Variants in ACBD3 observed in about 807,000 individuals in gnomAD.
ACBD3 encodes the protein Golgi resident protein GCP60.
Under a neutral mutation model 66.9 loss-of-function variants are expected in ACBD3, and 30 were observed. The ratio of observed to expected loss-of-function variants is 0.45; its 90% CI spans 0.34 to 0.61. ACBD3 has a LOEUF of 0.61. ACBD3 is among the 20% of genes least tolerant of loss of function. The probability of loss-of-function intolerance (pLI) is 0.02; values close to 1 mark genes in which losing one functional copy is unlikely to be tolerated. For missense variants in ACBD3, 544 were observed against 664.5 expected (o/e 0.82, Z 1.99); for synonymous variants, 278 against 259.8 (o/e 1.07, Z -0.68).
intron 1 of ACBD3, among the ~76,000 whole-genome samples, chr1:226,182,758 C>T (rs533390481): frequency 9.2e-5 from 14 of 152,210 alleles, no homozygotes; most frequent in South Asian, 2.1e-4. Flanking sequence ...GGCTCTTGGC[C>T]TTCCCCCCTC....
At chr1:226,166,876 A>G (rs1051080399) in intron 1 of ACBD3, among the ~76,000 whole-genome samples, 5 of 152,180 alleles carry the variant, frequency 3.3e-5, no homozygotes, top group Non-Finnish European at 7.4e-5. Flanking sequence ...GTCAGGCTAC[A>G]GCCTTGACCT....
At chr1:226,162,798 A>AT (rs1247600853) in intron 3 of ACBD3, among the ~76,000 whole-genome samples, 2,038 of 139,778 alleles carry the variant, frequency 0.015, 15 homozygotes, top group East Asian at 0.069. Context: ...AACATGACCT[A>AT]TTTTTTTTTT....
At chr1:226,160,542 C>T (rs1054580621) in intron 4 of ACBD3, among the ~76,000 whole-genome samples, 8 of 152,190 alleles carry the variant, frequency 5.3e-5, no homozygotes, top group African/African-American at 1.9e-4. Flanking sequence ...AAAAGAGCTG[C>T]ATTCATAGTC....
intron 1 of ACBD3, among the ~76,000 whole-genome samples, chr1:226,181,040 A>T (rs1005203667): frequency 6.6e-6 from 1 of 151,836 alleles, no homozygotes; most frequent in Non-Finnish European, 1.5e-5. Context: ...ACACATACAC[A>T]TTCCTGAATC....
At chr1:226,160,280 C>T (rs1330263765) in intron 4 of ACBD3, among the ~76,000 whole-genome samples, 2 of 148,808 alleles carry the variant, frequency 1.3e-5, no homozygotes, top group South Asian at 2.2e-4. Context: ...TTAGTAAAGA[C>T]GGTTTCACCA....
chr1:226,161,166 G>T (rs1659766329), intron 4 of ACBD3, among the ~76,000 whole-genome samples: 2 of 52,276 alleles, frequency 3.8e-5, no homozygotes, highest in African/African-American at 9.8e-5. Context: ...TTGAGACGGA[G>T]TTTCACTCAT....
intron 5 of ACBD3, among the ~76,000 whole-genome samples, chr1:226,156,412 C>T (rs1212260463): frequency 6.6e-6 from 1 of 152,122 alleles, no homozygotes; most frequent in Non-Finnish European, 1.5e-5. Context: ...TCTATCCATT[C>T]TACTGTTGAT....
chr1:226,148,888 T>C (rs1253065392), intron 7 of ACBD3, among the ~76,000 whole-genome samples: 2 of 152,306 alleles, frequency 1.3e-5, no homozygotes, highest in Non-Finnish European at 2.9e-5. Flanking sequence ...TAATGAACAA[T>C]TCTTAGGAAT....
At chr1:226,169,808 G>A (rs1488314928) in intron 1 of ACBD3, among the ~76,000 whole-genome samples, 2 of 151,560 alleles carry the variant, frequency 1.3e-5, no homozygotes, top group Non-Finnish European at 2.9e-5. Flanking sequence ...GATCACCTGA[G>A]GTCAAGAGTT....
intron 5 of ACBD3, among the ~76,000 whole-genome samples, 196 bp downstream of exon 5, chr1:226,158,988 T>C (rs1377850812): frequency 7.9e-5 from 12 of 152,258 alleles, no homozygotes; most frequent in Admixed American, 5.9e-4. Flanking sequence ...ACATCATCGG[T>C]TGCTTCGATA....
At chr1:226,185,563 A>G (rs1251786839) in intron 1 of ACBD3, among the ~76,000 whole-genome samples, 2 of 151,980 alleles carry the variant, frequency 1.3e-5, no homozygotes, top group African/African-American at 4.8e-5. Context: ...AGTTTTTCCC[A>G]CTGACAAAAA....
intron 1 of ACBD3, among the ~76,000 whole-genome samples, chr1:226,180,678 G>A (rs759363812): frequency 1.3e-5 from 2 of 152,084 alleles, no homozygotes; most frequent in Non-Finnish European, 2.9e-5. Flanking sequence ...GGGAAGCCTC[G>A]GGAAAATGTT....
rs754060909 is a variant in ACBD3 at position 226,164,770 on chromosome 1, C to T, written c.569+19G>A. The T allele has an allele frequency of 1.7e-5, 28 of 1,604,640 alleles. No individual in the cohort carries two copies. The East Asian group carries it at 6.0e-4, about 35-fold the overall frequency. On this transcript the variant is annotated intron_variant, in intron 3 of 7. Coordinates refer to ENST00000366812, the MANE Select transcript of ACBD3 (RefSeq NM_022735.4). Reference sequence around the variant, plus strand: ...CTGGGCTGCGCAGCAATAAAGTATTCCATGCCCTCAAACTTCACCTTTTTT... The same window carrying T: ...CTGGGCTGCGCAGCAATAAAGTATTTCATGCCCTCAAACTTCACCTTTTTT...
At chr1:226,155,144 A>C (rs932426454) in intron 5 of ACBD3, 1 of 179,666 alleles carries the variant, frequency 5.6e-6, no homozygotes, top group Non-Finnish European at 1.2e-5. Flanking sequence ...AAGGCCAGCC[A>C]AAGTGGCTCA....
rs1005464727 is a variant in ACBD3 at position 226,152,830 on chromosome 1, T to A, written c.1091-211A>T. 2.6e-5 allele frequency among the ~76,000 whole-genome samples: 4 copies of A among 152,240 alleles called. No homozygotes were observed. In the East Asian group the frequency reaches 7.7e-4, roughly 29 times the overall value. ...CAATGTTGCAGGCACTCAGAGGTCA[T>A]CGTACTTCTTCAAGTAACAATGGCA... On this transcript the variant is annotated intron_variant, in intron 6 of 7. Coordinates refer to ENST00000366812, the MANE Select transcript of ACBD3 (RefSeq NM_022735.4).
chr1:226,152,246 G>A (rs1177745745), intron 7 of ACBD3, 89 bp downstream of exon 7: 2 of 1,500,888 alleles, frequency 1.3e-6, no homozygotes, highest in East Asian at 4.5e-5. Flanking sequence ...TGTTAGTCAG[G>A]AAGCATAAGG....
chr1:226,155,071 A>G (rs908431838), intron 5 of ACBD3: 8 of 303,096 alleles, frequency 2.6e-5, no homozygotes, highest in African/African-American at 1.7e-4. Flanking sequence ...AAAACCTGCA[A>G]CTAAGGCTCA....
chr1:226,159,321 C>T lies in ACBD3; in HGVS notation c.766G>A (p.Val256Met), dbSNP rs200702189. ...TGGGCTGCATACTGCTGGAACTGCA[C>T]GGCAGTCTGGGAGTTTAAAGCTGCC... ...IMAALNSQTA[V>M]QFQQYAAQQY... Residue 256 changes from valine (V) to methionine (M), a missense_variant, in exon 5 of 8, where the codon GTG becomes ATG. Val to Met is a conservative substitution (Grantham distance 21). Coordinates refer to ENST00000366812, the MANE Select transcript of ACBD3 (RefSeq NM_022735.4). 4.8e-5 allele frequency: 77 copies of T among 1,614,118 alleles called. No individual in the cohort carries two copies. The African/African-American group carries it at 5.9e-4, about 12-fold the overall frequency.
chr1:226,164,106 G>A (rs902409258), intron 3 of ACBD3, among the ~76,000 whole-genome samples: 11 of 78,370 alleles, frequency 1.4e-4, no homozygotes, highest in Admixed American at 1.1e-3. Context: ...AACAGAGCAA[G>A]ACTCCATCTT....
Sources: allele counts gnomAD v4.1 joint callset (sites outside exome capture counted in the v4.1 genomes callset), GRCh38; gene constraint gnomAD v4.1.1; transcripts MANE v1.5; gene names NCBI Gene and HGNC (gene_info 2026-07-23, HGNC 2026-07-21).